Variants in ABHD6 observed in about 807,000 individuals in gnomAD.
ABHD6 encodes monoacylglycerol lipase ABHD6.
ABHD6 carries 33 observed loss-of-function variants against 38.8 expected under a neutral mutation model. That is an observed-to-expected ratio of 0.85 (90% confidence interval 0.64 to 1.14). The LOEUF (loss-of-function observed/expected upper bound fraction) is 1.14, where lower values mean the gene tolerates loss of function less well. Ranked by LOEUF, ABHD6 falls within the 50% of genes most tolerant of loss-of-function variation. The probability of loss-of-function intolerance (pLI) is 0.00; values close to 1 mark genes in which losing one functional copy is unlikely to be tolerated. For synonymous variants in ABHD6, 147 were observed against 161.6 expected, an observed-to-expected ratio of 0.91 and a Z score of 0.69; for missense variants, 380 against 422.6, an observed-to-expected ratio of 0.90 and a Z score of 0.88.
intron 1 of ABHD6, among the ~76,000 whole-genome samples, chr3:58,246,640 G>T (rs553364324): frequency 2.1e-4 from 32 of 152,322 alleles, no homozygotes; most frequent in African/African-American, 7.2e-4. Context: ...GGAACCAGTT[G>T]TCAGAGTTTT....
chr3:58,273,894 G>T lies in ABHD6; in HGVS notation c.524-764G>T, dbSNP rs2097446745. Among the ~76,000 whole-genome samples the T allele has an allele frequency of 6.6e-6, 1 of 150,950 alleles. No homozygotes were observed. Among genetic ancestry groups the T allele is most frequent in the African/African-American group, 2.4e-5 (1 of 41,096 alleles). On this transcript the variant is annotated intron_variant, in intron 6 of 9. Coordinates refer to ENST00000478253, the MANE Select transcript of ABHD6 (RefSeq NM_001320126.2). The surrounding 1 kb of genome is among the most constrained non-coding windows in gnomAD (Gnocchi z 4.8). ...TATCCCAGAACTTAAAGTAAAAAAA[G>T]AAAAAAAAATCTAATTATTTGGCTA...
chr3:58,283,786 T>C (rs1559783181), intron 7 of ABHD6, among the ~76,000 whole-genome samples: 2 of 152,148 alleles, frequency 1.3e-5, no homozygotes, highest in African/African-American at 4.8e-5. Flanking sequence ...GATGGCTGCA[T>C]TGAGCAGAGG....
At chr3:58,260,424 G>A (rs899092806) in intron 3 of ABHD6, among the ~76,000 whole-genome samples, 6 of 152,222 alleles carry the variant, frequency 3.9e-5, no homozygotes, top group African/African-American at 1.2e-4. Context: ...TGACACGGGG[G>A]ATTATGATTT....
chr3:58,264,387 GCACACACACACACACACA>G (rs61099164), intron 3 of ABHD6, among the ~76,000 whole-genome samples: 9,778 of 132,136 alleles, frequency 0.074, 493 homozygotes, highest in African/African-American at 0.11. Context: ...TTATATAAAC[GCACACACACACACACACA>G]CACACACACA....
intron 2 of ABHD6, among the ~76,000 whole-genome samples, chr3:58,254,851 T>TACACAC (rs58771259): frequency 2.7e-5 from 4 of 146,894 alleles, no homozygotes; most frequent in Non-Finnish European, 4.5e-5. Flanking sequence ...TATATGTGTA[T>TACACAC]ACACACACAC....
chr3:58,259,035 T>C lies in ABHD6; in HGVS notation c.119+2330T>C, dbSNP rs2097435219. Among the ~76,000 whole-genome samples the C allele has an allele frequency of 6.6e-6, 1 of 152,324 alleles. No homozygotes were observed. The highest frequency in any genetic ancestry group is 1.9e-4 in the East Asian group (1 of 5,186). ...AGGCAGAGTTGCGTGCCCCTTCTCA[T>C]GGCCTCGTCAAGGCATCATGGACTG... On this transcript the variant is annotated intron_variant, in intron 3 of 9. Coordinates refer to ENST00000478253, the MANE Select transcript of ABHD6 (RefSeq NM_001320126.2). This position sits in a 1 kb window ranked among gnomAD's most constrained non-coding sequence, Gnocchi z 4.7.
chr3:58,288,325 T>C (rs921995741), intron 9 of ABHD6, among the ~76,000 whole-genome samples: 1 of 152,192 alleles, frequency 6.6e-6, no homozygotes, highest in Non-Finnish European at 1.5e-5. Context: ...GGGGGAGCCA[T>C]GTGCATTGTC....
rs2097441215 is a variant in ABHD6, at chr3:58,266,653, A to T, written c.120-536A>T. 6.6e-6 allele frequency among the ~76,000 whole-genome samples: 1 copy of T among 152,184 alleles called. No individual in the cohort carries two copies. The highest frequency in any genetic ancestry group is 1.5e-5 in the Non-Finnish European group (1 of 68,032). On this transcript the variant is annotated intron_variant, in intron 3 of 9. Transcript: ENST00000478253. This position sits in a 1 kb window ranked among gnomAD's most constrained non-coding sequence, Gnocchi z 4.0. The stretch of plus-strand genomic sequence containing the variant: ...ATCTTACAAAGTGCACCTCTGATTG[A>T]ATTAATTATCTCTCATCTTGGAGGG...
Position 58,266,186 on chromosome 3 carries a change from C to T in ABHD6, c.120-1003C>T, listed in dbSNP as rs542607150. On this transcript the variant is annotated intron_variant, in intron 3 of 9. Coordinates refer to ENST00000478253, the MANE Select transcript of ABHD6 (RefSeq NM_001320126.2). The surrounding 1 kb of genome is among the most constrained non-coding windows in gnomAD (Gnocchi z 4.0). ...ACCAGGTGCGGTTTAACCAGCTGGA[C>T]GTCTGTAACCCAAGCACTTTGGGAG... Among the ~76,000 whole-genome samples, 1 of 152,118 alleles carries T rather than the reference C, an allele frequency of 6.6e-6. No homozygotes were observed. The highest frequency in any genetic ancestry group is 1.5e-5 in the Non-Finnish European group (1 of 68,030).
At chr3:58,258,349 C>G (rs1385821284) in intron 3 of ABHD6, 3 of 434,608 alleles carry the variant, frequency 6.9e-6, no homozygotes, top group Admixed American at 2.6e-5. Context: ...AAAATAAACA[C>G]AGTGACATTA....
At chr3:58,291,809 A>G (rs1554126) in intron 9 of ABHD6, among the ~76,000 whole-genome samples, 35,239 of 152,112 alleles carry the variant, frequency 0.23, 5,849 homozygotes, top group East Asian at 0.78. Context: ...TTGCCTGGGC[A>G]TGATGGTGCG....
At chr3:58,261,555 T>C (rs1295678810) in intron 3 of ABHD6, among the ~76,000 whole-genome samples, 2 of 152,166 alleles carry the variant, frequency 1.3e-5, no homozygotes, top group African/African-American at 4.8e-5. Context: ...GCGGTTTTTG[T>C]AGAGACAGGC....
chr3:58,264,391 A>G (rs9879345), intron 3 of ABHD6, among the ~76,000 whole-genome samples: 1,509 of 10,282 alleles, frequency 0.15, 45 homozygotes, highest in East Asian at 0.49. Context: ...ATAAACGCAC[A>G]CACACACACA....
In ABHD6 at chr3:58,267,317, A is replaced by C; in HGVS notation, c.248A>C (p.His83Pro). 6.2e-7 allele frequency: 1 copy of C among 1,614,110 alleles called. No individual in the cohort carries two copies. Among genetic ancestry groups the C allele is most frequent in the East Asian group, 2.2e-5 (1 of 44,878 alleles). The change falls in exon 4 of 10, where the codon CAC becomes CCC. Residue 83 changes from histidine to proline, a missense_variant. Transcript: ENST00000478253. The surrounding 1 kb of genome is among the most constrained non-coding windows in gnomAD (Gnocchi z 4.3). ...CTCATGCTCCACGGATTCTCTGCCC[A>C]CAAGGATATGTGGCTCAGTGTGGTC... ...SILMLHGFSA[H>P]KDMWLSVVKF...
chr3:58,264,125 A>C (rs570070307), intron 3 of ABHD6, among the ~76,000 whole-genome samples: 8 of 152,298 alleles, frequency 5.3e-5, no homozygotes, highest in African/African-American at 1.9e-4. Flanking sequence ...TCACCTAGCT[A>C]TATGGTAGTT....
chr3:58,276,569 GTTC>G (rs1192939084), intron 7 of ABHD6, among the ~76,000 whole-genome samples: 1 of 152,146 alleles, frequency 6.6e-6, no homozygotes, highest in Non-Finnish European at 1.5e-5. Context: ...TAGGTTGCCT[GTTC>G]ACTCTGATGG....
Position 58,287,658 on chromosome 3 carries a change from CTGT to C in ABHD6, c.837+2210_837+2212del, listed in dbSNP as rs1219543578. On this transcript the variant is annotated intron_variant, in intron 9 of 9. Transcript: ENST00000478253. The surrounding 1 kb of genome is among the most constrained non-coding windows in gnomAD (Gnocchi z 4.7). ...TCAGAGCCTGAGCAGCGAAGGCCTTCTGTTGTTCTAAAAACCCCAAAGGTGATT... is the reference window on the plus strand; with the variant it reads ...TCAGAGCCTGAGCAGCGAAGGCCTTCTGTTCTAAAAACCCCAAAGGTGATT... 1.3e-5 allele frequency among the ~76,000 whole-genome samples: 2 copies of C among 152,346 alleles called. No homozygotes were observed. The highest frequency in any genetic ancestry group is 1.9e-4 in the East Asian group (1 of 5,174).
At chr3:58,248,571 G>T (rs906708679) in intron 1 of ABHD6, among the ~76,000 whole-genome samples, 10 of 152,188 alleles carry the variant, frequency 6.6e-5, no homozygotes, top group African/African-American at 2.2e-4. Flanking sequence ...GGTGGCACAT[G>T]CCTGTAATCC....
rs2097451312 is a variant in ABHD6 at position 58,279,485 on chromosome 3, T to TGTGTGTCTCTGCATGTGAG, written c.681+4671_681+4689dup. On this transcript the variant is annotated intron_variant, in intron 7 of 9. Transcript: ENST00000478253. ...CCCCCATCCCTTTATTTTGAGCCTA[T>TGTGTGTCTCTGCATGTGAG]GTGTGTCTCTGCATGTGAGATGGGT... 1.1e-4 allele frequency among the ~76,000 whole-genome samples: 16 copies of TGTGTGTCTCTGCATGTGAG among 152,320 alleles called. No homozygotes were observed. The South Asian group carries it at 3.1e-3, about 30-fold the overall frequency.
Sources: gnomAD v4.1 joint callset for allele counts (sites outside exome capture counted in the v4.1 genomes callset) on GRCh38, gnomAD v4.1.1 for gene constraint, Gnocchi (gnomAD v3.1) non-coding constraint, MANE v1.5 for transcripts, NCBI Gene and HGNC (gene_info 2026-07-23, HGNC 2026-07-21) for gene names.